PPP1R1C: variants seen among roughly 807,000 people sequenced by gnomAD.
The protein encoded by PPP1R1C is protein phosphatase 1 regulatory inhibitor subunit 1C, also known as protein phosphatase 1 regulatory subunit 1C.
Under a neutral mutation model 17.4 loss-of-function variants are expected in PPP1R1C, and 15 were observed. The observed-to-expected ratio is 0.86, with a 90% CI of 0.58 to 1.33. The LOEUF is 1.33. Ranked by LOEUF, PPP1R1C falls within the 40% of genes most tolerant of loss-of-function variation. The pLI is 0.00. For synonymous variants in PPP1R1C, 35 were observed against 43.1 expected, an observed-to-expected ratio of 0.81 and a Z score of 0.73; for missense variants, 143 against 130.0, an observed-to-expected ratio of 1.10 and a Z score of -0.48.
chr2:181,990,171 C>T (rs765640719), intron 2 of PPP1R1C, among the ~76,000 whole-genome samples: 9 of 151,986 alleles, frequency 5.9e-5, no homozygotes, highest in Non-Finnish European at 8.8e-5. Context: ...GACAGTCACC[C>T]TCTGTCGCCC....
Position 182,032,159 on chromosome 2 carries a change from G to A in PPP1R1C, c.143-29283G>A, listed in dbSNP as rs574816368. Among the ~76,000 whole-genome samples, 3 of 152,314 alleles carry A rather than the reference G, an allele frequency of 2.0e-5. No individual in the cohort carries two copies. In the South Asian group the frequency reaches 6.2e-4, roughly 32 times the overall value. On this transcript the variant is annotated intron_variant, in intron 2 of 4. Transcript: ENST00000682840. Reference sequence around the variant, plus strand: ...AAACTGGCCTTCTGAAATGTTCATAGTTCAGCCAAAAGTCAAGGGGGCCAT... The same window carrying A: ...AAACTGGCCTTCTGAAATGTTCATAATTCAGCCAAAAGTCAAGGGGGCCAT...
intron 4 of PPP1R1C, among the ~76,000 whole-genome samples, chr2:182,064,728 C>T (rs891960792): frequency 6.6e-6 from 1 of 152,048 alleles, no homozygotes; most frequent in Admixed American, 6.6e-5. Flanking sequence ...CATAAGACTG[C>T]AGAACATAAT....
At chr2:182,004,836 G>C (rs920412968) in intron 2 of PPP1R1C, among the ~76,000 whole-genome samples, 1 of 152,174 alleles carries the variant, frequency 6.6e-6, no homozygotes. Flanking sequence ...TTTATTGGAT[G>C]GCAAAATTGG....
At chr2:182,001,340 G>GAAAA (rs1685761688) in intron 2 of PPP1R1C, among the ~76,000 whole-genome samples, 1 of 152,130 alleles carries the variant, frequency 6.6e-6, no homozygotes, top group African/African-American at 2.4e-5. Flanking sequence ...ACAATTGAAA[G>GAAAA]ACTGAGCGTG....
chr2:182,046,993 A>G (rs1225958962), intron 2 of PPP1R1C, among the ~76,000 whole-genome samples: 1 of 152,234 alleles, frequency 6.6e-6, no homozygotes, highest in Non-Finnish European at 1.5e-5. Context: ...TGAAGTAAAA[A>G]GAGAACTAAA....
intron 4 of PPP1R1C, among the ~76,000 whole-genome samples, chr2:182,087,215 A>G (rs1688653222): frequency 6.6e-6 from 1 of 152,194 alleles, no homozygotes. Flanking sequence ...ACTGCAGTTT[A>G]TTCTTAATAC....
At chr2:182,098,883 A>G (rs1689020710) in intron 4 of PPP1R1C, among the ~76,000 whole-genome samples, 1 of 152,214 alleles carries the variant, frequency 6.6e-6, no homozygotes, top group Non-Finnish European at 1.5e-5. Context: ...CATTATCTTT[A>G]CCTATCATAG....
chr2:181,975,203 T>C (rs990426687), intron 1 of PPP1R1C: 1 of 151,412 alleles, frequency 6.6e-6, no homozygotes, highest in Non-Finnish European at 1.5e-5. Context: ...TGCCTTTTTT[T>C]TTTTTTTTTT....
intron 4 of PPP1R1C, among the ~76,000 whole-genome samples, chr2:182,101,729 G>A (rs1689103068): frequency 6.6e-6 from 1 of 152,182 alleles, no homozygotes; most frequent in South Asian, 2.1e-4. Context: ...CAGGTGGACT[G>A]CCTTTTAAAT....
intron 2 of PPP1R1C, among the ~76,000 whole-genome samples, chr2:182,048,503 A>G (rs1383945711): frequency 2.6e-5 from 4 of 152,256 alleles, no homozygotes; most frequent in Non-Finnish European, 5.9e-5. Context: ...TAAGAAATAC[A>G]TGATAGATTT....
At chr2:182,067,820 G>C (rs1688030400) in intron 4 of PPP1R1C, among the ~76,000 whole-genome samples, 1 of 152,162 alleles carries the variant, frequency 6.6e-6, no homozygotes, top group Non-Finnish European at 1.5e-5. Flanking sequence ...GGCACAGGGG[G>C]AAGTTCATGT....
intron 2 of PPP1R1C, among the ~76,000 whole-genome samples, chr2:182,001,790 G>T (rs184865689): frequency 1.0e-3 from 156 of 152,126 alleles, no homozygotes; most frequent in Non-Finnish European, 1.8e-3. Flanking sequence ...GTGTTTTCTG[G>T]TAAGATTTCT....
chr2:181,977,689 C>A (rs1685117926), intron 2 of PPP1R1C, among the ~76,000 whole-genome samples: 1 of 152,120 alleles, frequency 6.6e-6, no homozygotes, highest in South Asian at 2.1e-4. Context: ...TGGAGGCCAG[C>A]AACCATTTTT....
intron 2 of PPP1R1C, among the ~76,000 whole-genome samples, chr2:182,034,754 C>T (rs1284907443): frequency 6.6e-6 from 1 of 152,160 alleles, no homozygotes; most frequent in Non-Finnish European, 1.5e-5. Flanking sequence ...AAGGCAGTCT[C>T]ATCAAACTTA....
intron 4 of PPP1R1C, among the ~76,000 whole-genome samples, chr2:182,098,241 A>G (rs1027404362): frequency 6.6e-6 from 1 of 152,136 alleles, no homozygotes; most frequent in African/African-American, 2.4e-5. Context: ...ACACTGTTGC[A>G]TTTGTACTTG....
At chr2:182,028,721 A>G (rs1009194372) in intron 2 of PPP1R1C, among the ~76,000 whole-genome samples, 3 of 148,418 alleles carry the variant, frequency 2.0e-5, no homozygotes, top group Non-Finnish European at 4.5e-5. Context: ...GTAGATGTCT[A>G]TTAGGTCTGC....
chr2:182,122,147 GA>G (rs1310474255), downstream of PPP1R1C, among the ~76,000 whole-genome samples: 3 of 152,006 alleles, frequency 2.0e-5, no homozygotes, highest in East Asian at 1.9e-4. Context: ...TTCTTGACTA[GA>G]GTTATTTCTA....
chr2:182,040,415 A>T (rs1687146785), intron 2 of PPP1R1C, among the ~76,000 whole-genome samples: 1 of 152,028 alleles, frequency 6.6e-6, no homozygotes, highest in African/African-American at 2.4e-5. Context: ...GATATTGAGC[A>T]TTTTCTTCAT....
At chr2:182,002,962 A>G (rs986549832) in intron 2 of PPP1R1C, among the ~76,000 whole-genome samples, 5 of 122,880 alleles carry the variant, frequency 4.1e-5, no homozygotes, top group Non-Finnish European at 6.7e-5. Context: ...ATCCCCCAGA[A>G]CTGTCATCAA....
Sources: allele counts gnomAD v4.1 joint callset (sites outside exome capture counted in the v4.1 genomes callset), GRCh38; gene constraint gnomAD v4.1.1; transcripts MANE v1.5; gene names NCBI Gene and HGNC (gene_info 2026-07-23, HGNC 2026-07-21).